The following OPRM1 variants were observed in gnomAD, a reference collection of about 807,000 sequenced individuals.
OPRM1 encodes opioid receptor mu 1.
Under a neutral mutation model 31.8 loss-of-function variants are expected in OPRM1, and 27 were observed. The observed-to-expected ratio is 0.85, with a 90% CI of 0.63 to 1.17. The LOEUF (loss-of-function observed/expected upper bound fraction) is 1.17, where lower values mean the gene tolerates loss of function less well. Among genes scored for constraint, OPRM1 ranks in the 50% most tolerant of loss-of-function variants. The pLI is 0.00. For missense variants in OPRM1, 536 were observed against 511.1 expected (o/e 1.05, Z -0.47); for synonymous variants, 196 against 189.9 (o/e 1.03, Z -0.26).
intron 3 of OPRM1, chr6:154,107,603 A>G (rs1795783601): frequency 5.6e-6 from 4 of 718,566 alleles, no homozygotes; most frequent in East Asian, 2.7e-5. Context: ...TAACTATTTC[A>G]TATGATTTTT....
At chr6:154,208,237 C>T (rs1240391294) in intron 3 of OPRM1, among the ~76,000 whole-genome samples, 2 of 152,200 alleles carry the variant, frequency 1.3e-5, no homozygotes, top group Non-Finnish European at 2.9e-5. Context: ...TTGGTTCACC[C>T]CGCGTCAGCC....
chr6:154,182,600 G>A (rs1800980018), intron 3 of OPRM1, among the ~76,000 whole-genome samples: 1 of 152,204 alleles, frequency 6.6e-6, no homozygotes, highest in South Asian at 2.1e-4. Flanking sequence ...AGAAAACGTT[G>A]GTGTACATAC....
intron 3 of OPRM1, 173 bp downstream of exon 3, chr6:154,091,645 A>T: frequency 7.1e-7 from 1 of 1,414,264 alleles, no homozygotes; most frequent in Non-Finnish European, 9.2e-7. Flanking sequence ...TGTGTTCTTT[A>T]TATTTGACTG....
At chr6:154,082,930 C>T (rs1028184980) in intron 1 of OPRM1, among the ~76,000 whole-genome samples, 4 of 152,064 alleles carry the variant, frequency 2.6e-5, no homozygotes, top group African/African-American at 9.7e-5. Flanking sequence ...GAGAATATAA[C>T]ATAGTAACAT....
At chr6:154,162,969 A>T (rs1219050037) in intron 3 of OPRM1, among the ~76,000 whole-genome samples, 2 of 152,126 alleles carry the variant, frequency 1.3e-5, no homozygotes, top group Non-Finnish European at 2.9e-5. Flanking sequence ...TCCACAAAGC[A>T]CTTAATGGTA....
At chr6:154,236,926 G>T (rs891518635) in intron 3 of OPRM1, among the ~76,000 whole-genome samples, 3 of 152,146 alleles carry the variant, frequency 2.0e-5, no homozygotes, top group African/African-American at 7.2e-5. Context: ...CTTTTTTAAA[G>T]ACATCGTTTC....
intron 3 of OPRM1, chr6:154,223,067 G>C: frequency 1.1e-6 from 1 of 895,268 alleles, no homozygotes; most frequent in South Asian, 1.4e-5. Context: ...CAGACATTCC[G>C]ATGTTACCTT....
chr6:154,081,888 G>A (rs1789247378), intron 1 of OPRM1, among the ~76,000 whole-genome samples: 1 of 152,136 alleles, frequency 6.6e-6, no homozygotes, highest in African/African-American at 2.4e-5. Flanking sequence ...ATCAAGCAAA[G>A]GTGCCTCTTT....
intron 3 of OPRM1, among the ~76,000 whole-genome samples, chr6:154,150,151 T>C (rs1798461028): frequency 1.3e-5 from 2 of 152,242 alleles, no homozygotes; most frequent in Non-Finnish European, 2.9e-5. Context: ...TTCATTAAAT[T>C]TGGGACACCA....
At chr6:154,043,863 T>C (rs1780567884) in intron 1 of OPRM1, among the ~76,000 whole-genome samples, 1 of 152,126 alleles carries the variant, frequency 6.6e-6, no homozygotes, top group African/African-American at 2.4e-5. Context: ...ATTTTCCATA[T>C]AGAAACTAAT....
chr6:154,072,049 C>T (rs1319130894), intron 1 of OPRM1, among the ~76,000 whole-genome samples: 2 of 152,044 alleles, frequency 1.3e-5, no homozygotes, highest in Non-Finnish European at 1.5e-5. Context: ...TGGTCTTTCT[C>T]GCAATTACTC....
At position 154,128,562 on chromosome 6, in the gene OPRM1, C is replaced by G. The variant is rs1562497338; in HGVS notation, c.*9841C>G. On this transcript the variant is annotated 3_prime_UTR_variant, in exon 4 of 4. Transcript: ENST00000330432. ...TAAAATATGGGCACCTCTTTTAATTCTTTTTTTTCTCATAATAAGTTTGAA... is the reference window on the plus strand; with the variant it reads ...TAAAATATGGGCACCTCTTTTAATTGTTTTTTTTCTCATAATAAGTTTGAA... Among the ~76,000 whole-genome samples the G allele has an allele frequency of 6.6e-6, 1 of 151,960 alleles. No homozygotes were observed. Among genetic ancestry groups the G allele is most frequent in the Admixed American group, 6.6e-5 (1 of 15,260 alleles).
intron 3 of OPRM1, chr6:154,214,139 C>T (rs538962810): frequency 2.1e-6 from 2 of 931,464 alleles, no homozygotes; most frequent in African/African-American, 1.6e-5. Flanking sequence ...ATACATAGAA[C>T]TTGACATTGT....
At chr6:154,057,897 A>G (rs917160837) in intron 1 of OPRM1, among the ~76,000 whole-genome samples, 10 of 152,230 alleles carry the variant, frequency 6.6e-5, no homozygotes, top group African/African-American at 2.2e-4. Context: ...CACATTTTAA[A>G]AAGTTTTGTA....
At chr6:154,214,147 T>C in intron 3 of OPRM1, 2 of 994,742 alleles carry the variant, frequency 2.0e-6, no homozygotes, top group South Asian at 1.3e-5. Flanking sequence ...AACTTGACAT[T>C]GTTTTTTCAC....
At chr6:154,100,125 T>TATA (rs1562472436) in intron 3 of OPRM1, among the ~76,000 whole-genome samples, 3 of 33,870 alleles carry the variant, frequency 8.9e-5, no homozygotes, top group Admixed American at 3.9e-4. Context: ...TATTATCATA[T>TATA]TATGACATAT....
intron 3 of OPRM1, among the ~76,000 whole-genome samples, chr6:154,160,541 A>T (rs1044631945): frequency 2.6e-5 from 4 of 152,220 alleles, no homozygotes; most frequent in African/African-American, 9.6e-5. Context: ...ATAAATACAC[A>T]GATTATCTTT....
rs906935171 is a variant in OPRM1, at chr6:154,090,222, G to A, written c.643+44G>A. ...CTGAGGGAAGGAGGGTTCACAGCCTGATATGTTGGTGATGTCATAAGCAAA... is the reference window on the plus strand; with the variant it reads ...CTGAGGGAAGGAGGGTTCACAGCCTAATATGTTGGTGATGTCATAAGCAAA... On this transcript the variant is annotated intron_variant, in intron 2 of 3. Coordinates refer to ENST00000330432, the MANE Select transcript of OPRM1 (RefSeq NM_000914.5). The A allele has an allele frequency of 7.6e-6, 10 of 1,314,654 alleles. No individual in the cohort carries two copies. The South Asian group carries it at 1.3e-4, about 17-fold the overall frequency. The allele number at this position is 1,314,654 out of a possible 1,614,324, so 81.4% of individuals were successfully genotyped here. A position where few individuals can be genotyped will look rare whatever the true frequency, so the allele number is the denominator to read the frequency against.
chr6:154,180,414 A>ATATATATTTTT (rs1241250621), intron 3 of OPRM1, among the ~76,000 whole-genome samples: 162 of 65,168 alleles, frequency 2.5e-3, no homozygotes, highest in African/African-American at 7.3e-3. Flanking sequence ...ATATATATAT[A>ATATATATTTTT]TTTTTTTTTT....
Sources: allele counts gnomAD v4.1 joint callset (sites outside exome capture counted in the v4.1 genomes callset), GRCh38; gene constraint gnomAD v4.1.1; transcripts MANE v1.5; gene names NCBI Gene and HGNC (gene_info 2026-07-23, HGNC 2026-07-21).